RANBP2: variants seen among roughly 807,000 people sequenced by gnomAD.
RANBP2 encodes RAN binding protein 2, also known as E3 SUMO-protein ligase RanBP2.
Under a neutral mutation model 303.6 loss-of-function variants are expected in RANBP2, and 57 were observed. That is an observed-to-expected ratio of 0.19 (90% CI 0.15 to 0.23). The LOEUF (loss-of-function observed/expected upper bound fraction) is 0.23, where lower values mean the gene tolerates loss of function less well. Among genes scored for constraint, RANBP2 ranks in the 10% least tolerant of loss-of-function variants. The pLI is 1.00. For synonymous variants in RANBP2, 1,167 were observed against 1,301.5 expected (o/e 0.90, Z 2.23); for missense variants, 3,138 against 3,780.8 (o/e 0.83, Z 4.46).
the RANBP2 span, among the ~76,000 whole-genome samples, chr2:108,951,735 G>A: frequency 5.9e-5 from 9 of 151,918 alleles, no homozygotes; most frequent in East Asian, 9.6e-4. Context: ...CCATTTCTGC[G>A]AGTCCACGAG....
chr2:109,053,399 T>C, the RANBP2 span, among the ~76,000 whole-genome samples: 7 of 152,332 alleles, frequency 4.6e-5, no homozygotes, highest in Admixed American at 3.9e-4. Flanking sequence ...GAGAGAGGAA[T>C]GGCCTGGACA....
At chr2:109,098,157 A>G in the RANBP2 span, among the ~76,000 whole-genome samples, 1 of 152,162 alleles carries the variant, frequency 6.6e-6, no homozygotes, top group Non-Finnish European at 1.5e-5. Flanking sequence ...AGAGCCTGCA[A>G]AGTAGGTCCA....
At chr2:109,736,304 T>C in the RANBP2 span, among the ~76,000 whole-genome samples, 1 of 152,176 alleles carries the variant, frequency 6.6e-6, no homozygotes, top group Non-Finnish European at 1.5e-5. Context: ...GTGGCCCAAG[T>C]TGCATGAGGC....
the RANBP2 span, among the ~76,000 whole-genome samples, chr2:109,516,758 G>A: frequency 6.6e-6 from 1 of 152,362 alleles, no homozygotes; most frequent in East Asian, 1.9e-4. Flanking sequence ...CAAATTAAGG[G>A]CAACTTCCTA....
chr2:109,443,121 TTGTG>T, the RANBP2 span, among the ~76,000 whole-genome samples: 3 of 152,256 alleles, frequency 2.0e-5, no homozygotes, highest in Non-Finnish European at 2.9e-5. Flanking sequence ...CTAGGTGAAA[TTGTG>T]TGTGGCATGC....
At chr2:109,414,903 C>T in the RANBP2 span, among the ~76,000 whole-genome samples, 3 of 152,206 alleles carry the variant, frequency 2.0e-5, no homozygotes, top group East Asian at 5.8e-4. Flanking sequence ...AGTGCTGATC[C>T]CAGAACCTGA....
the RANBP2 span, among the ~76,000 whole-genome samples, chr2:109,500,657 A>T: frequency 6.6e-6 from 1 of 152,216 alleles, no homozygotes; most frequent in Non-Finnish European, 1.5e-5. Context: ...CACATTTAAA[A>T]ATAAGGACAG....
chr2:109,211,136 T>C, the RANBP2 span, among the ~76,000 whole-genome samples: 1 of 152,164 alleles, frequency 6.6e-6, no homozygotes. Flanking sequence ...AAACGTTACT[T>C]GCAGAATTAA....
the RANBP2 span, among the ~76,000 whole-genome samples, chr2:109,124,797 G>A: frequency 6.6e-6 from 1 of 152,130 alleles, no homozygotes; most frequent in East Asian, 1.9e-4. Flanking sequence ...AAATGAGTAC[G>A]TTTAGGGTTG....
Position 108,765,115 on chromosome 2 carries a change from T to C in RANBP2, c.4576T>C (p.Ser1526Pro). The part of the protein sequence containing the change: ...PTPASFKFGT[S>P]ETSKTLKSGF... ...ACCTGCCTCTTTTAAGTTTGGTACT[T>C]CAGAGACAAGTAAAACTCTAAAAAG... The change falls in exon 20 of 29, where the codon TCA becomes CCA. Residue 1526 changes from serine to proline, a missense_variant. This residue lies in a region of RANBP2 where 388 missense variants were observed against 328.5 expected (regional missense o/e 1.18). Transcript: ENST00000283195. 6.2e-7 allele frequency: 1 copy of C among 1,613,936 alleles called. No homozygotes were observed. Among genetic ancestry groups the C allele is most frequent in the African/African-American group, 1.3e-5 (1 of 74,980 alleles).
chr2:109,078,548 G>A, the RANBP2 span, among the ~76,000 whole-genome samples: 4 of 149,060 alleles, frequency 2.7e-5, no homozygotes. Context: ...GTTGGTCAAA[G>A]GATATGAAGC....
intron 4 of RANBP2, among the ~76,000 whole-genome samples, chr2:108,732,541 C>T (rs1573706945): frequency 6.6e-6 from 1 of 152,198 alleles, no homozygotes; most frequent in South Asian, 2.1e-4. Context: ...TTTAACCCGA[C>T]CAAAGCACAC....
the RANBP2 span, among the ~76,000 whole-genome samples, chr2:109,290,498 T>C: frequency 1.3e-5 from 2 of 152,260 alleles, no homozygotes; most frequent in Non-Finnish European, 2.9e-5. Context: ...CCAACTTCTA[T>C]TTTCCTCACT....
chr2:109,273,266 T>A, the RANBP2 span, among the ~76,000 whole-genome samples: 1 of 152,210 alleles, frequency 6.6e-6, no homozygotes, highest in Non-Finnish European at 1.5e-5. Flanking sequence ...GCACATGTGT[T>A]TCTGTGGATG....
At chr2:109,283,880 T>C in the RANBP2 span, among the ~76,000 whole-genome samples, 544 of 152,340 alleles carry the variant, frequency 3.6e-3, 1 homozygote, top group African/African-American at 0.012. Flanking sequence ...GTATTCTATA[T>C]GCATCAGCTG....
In RANBP2 at chr2:108,740,529, A is replaced by T. The variant is rs1695998041; in HGVS notation, c.823A>T (p.Asn275Tyr). The T allele has an allele frequency of 1.3e-6, 2 of 1,597,540 alleles. No homozygotes were observed. Among genetic ancestry groups the T allele is most frequent in the East Asian group, 4.5e-5 (2 of 44,866 alleles). ...TCAGTCTGTGAAATCTTTGGGTGGA[A>T]ATGATGAACTGTCAGCTACTTTCTT... ...ALQSVKSLGG[N>Y]DELSATFLEM... Residue 275 changes from asparagine (N) to tyrosine (Y), a missense_variant, in exon 7 of 29, where the codon AAT becomes TAT. Asn to Tyr is a moderately radical substitution (Grantham distance 143, BLOSUM62 -2). This residue lies in a region of RANBP2 where 306 missense variants were observed against 381.9 expected (regional missense o/e 0.80). Coordinates refer to ENST00000283195, the MANE Select transcript of RANBP2 (RefSeq NM_006267.5).
the RANBP2 span, among the ~76,000 whole-genome samples, chr2:109,163,342 TC>T: frequency 3.4e-5 from 5 of 146,940 alleles, no homozygotes; most frequent in African/African-American, 1.3e-4. Flanking sequence ...TTAAGGGCCA[TC>T]AAAGGGCGGA....
the RANBP2 span, among the ~76,000 whole-genome samples, chr2:109,743,378 A>G: frequency 2.0e-5 from 3 of 148,868 alleles, no homozygotes; most frequent in Non-Finnish European, 4.4e-5. Context: ...CTTTAAAAAT[A>G]TAACATAGAA....
chr2:108,809,836 C>T, the RANBP2 span, among the ~76,000 whole-genome samples: 1 of 152,042 alleles, frequency 6.6e-6, no homozygotes, highest in Non-Finnish European at 1.5e-5. Flanking sequence ...GATGGAGTCT[C>T]ACTCTGTCGC....
Sources: gnomAD v4.1 joint callset for allele counts (sites outside exome capture counted in the v4.1 genomes callset) on GRCh38, gnomAD v4.1.1 for gene constraint, gnomAD v4.1.1 regional missense constraint, MANE v1.5 for transcripts, NCBI Gene and HGNC (gene_info 2026-07-23, HGNC 2026-07-21) for gene names.